The following FRMD4A variants were observed in gnomAD, a reference collection of about 807,000 sequenced individuals.
FRMD4A encodes FERM domain containing 4A, also known as FERM domain-containing protein 4A.
In FRMD4A, 29 loss-of-function variants were observed where a neutral mutation model predicts 129.1. The observed-to-expected ratio is 0.22, with a 90% confidence interval of 0.17 to 0.31. The LOEUF is 0.31. FRMD4A is among the 10% of genes least tolerant of loss of function. The pLI is 1.00. For synonymous variants in FRMD4A, 634 were observed against 571.6 expected (o/e 1.11, Z -1.56); for missense variants, 1,272 against 1,375.8 (o/e 0.92, Z 1.19).
chr10:14,078,080 GTTA>G (rs773010597), intron 2 of FRMD4A, among the ~76,000 whole-genome samples: 1 of 152,298 alleles, frequency 6.6e-6, no homozygotes, highest in East Asian at 1.9e-4. Context: ...TAATGACCCT[GTTA>G]TTAGATTTCT....
In FRMD4A at chr10:13,643,943, A is replaced by G. The variant is rs889429679; in HGVS notation, c.*3095T>C. 4.6e-5 allele frequency: 7 copies of G among 152,720 alleles called. No individual in the cohort carries two copies. The East Asian group carries it at 9.6e-4, about 21-fold the overall frequency. 9.5% of individuals were successfully genotyped at this position (152,720 alleles called of 1,614,324 possible). ...GGAGCAACCTAATCTTTTTTCCCCC[A>G]TTATTAAACTAGAGTCCATTTTACA... On this transcript the variant is annotated 3_prime_UTR_variant, in exon 25 of 25. Coordinates refer to ENST00000357447, the MANE Select transcript of FRMD4A (RefSeq NM_018027.5).
chr10:13,940,430 T>C (rs571737984), intron 2 of FRMD4A, among the ~76,000 whole-genome samples: 14 of 152,316 alleles, frequency 9.2e-5, no homozygotes, highest in African/African-American at 3.1e-4. Context: ...GTCAATGTTG[T>C]GTTGATTTCA....
intron 2 of FRMD4A, among the ~76,000 whole-genome samples, chr10:14,230,016 T>G (rs1045931786): frequency 2.6e-5 from 4 of 152,252 alleles, no homozygotes; most frequent in African/African-American, 9.6e-5. Flanking sequence ...AGAGGAAGGC[T>G]GATCTAATTG....
chr10:13,973,208 T>C (rs2095527624), intron 2 of FRMD4A, among the ~76,000 whole-genome samples: 1 of 152,260 alleles, frequency 6.6e-6, no homozygotes, highest in Non-Finnish European at 1.5e-5. Context: ...CCCCCACTTA[T>C]GATCTGGTAA....
chr10:14,029,978 G>A (rs1833160136), intron 2 of FRMD4A, among the ~76,000 whole-genome samples: 1 of 152,092 alleles, frequency 6.6e-6, no homozygotes, highest in Non-Finnish European at 1.5e-5. Context: ...AGGATATTAC[G>A]CTAAGTGAAA....
chr10:13,744,804 G>T (rs1370005047), intron 9 of FRMD4A: 1 of 152,270 alleles, frequency 6.6e-6, no homozygotes, highest in Non-Finnish European at 1.5e-5. Context: ...GGTTAACCTT[G>T]CTGAGTGGTG....
chr10:13,903,959 C>G (rs2094850881), intron 2 of FRMD4A, among the ~76,000 whole-genome samples: 1 of 152,146 alleles, frequency 6.6e-6, no homozygotes, highest in Non-Finnish European at 1.5e-5. Flanking sequence ...GTCTTAAGAA[C>G]TTAATTCTGA....
chr10:13,769,086 G>T (rs914731958), intron 6 of FRMD4A, among the ~76,000 whole-genome samples: 1 of 149,478 alleles, frequency 6.7e-6, no homozygotes, highest in African/African-American at 2.5e-5. Flanking sequence ...TGCCTCCTGG[G>T]TTCAGGCCAT....
intron 2 of FRMD4A, among the ~76,000 whole-genome samples, chr10:14,029,358 G>T (rs1452470317): frequency 6.6e-6 from 1 of 152,014 alleles, no homozygotes; most frequent in African/African-American, 2.4e-5. Flanking sequence ...CTTCTAGAGA[G>T]AGTATTATAG....
chr10:13,989,514 A>C (rs923256869), intron 2 of FRMD4A, among the ~76,000 whole-genome samples: 1 of 152,184 alleles, frequency 6.6e-6, no homozygotes. Flanking sequence ...TTTTTAGTAG[A>C]GATGGGGTTT....
rs147757852 is a variant in FRMD4A, at chr10:13,708,168, C to T, written c.760-1055G>A. On this transcript the variant is annotated intron_variant, in intron 12 of 24. Coordinates refer to ENST00000357447, the MANE Select transcript of FRMD4A (RefSeq NM_018027.5). ...TGCGGGGAACAGCTTCCCTGGGCTC[C>T]CCCCTTTCTCTGGCCACTGAGTTAA... Among the ~76,000 whole-genome samples the T allele has an allele frequency of 4.9e-3, 742 of 152,296 alleles. 5 individuals are homozygous for T. The highest frequency in any genetic ancestry group is 8.1e-3 in the Non-Finnish European group (551 of 68,022).
intron 2 of FRMD4A, among the ~76,000 whole-genome samples, chr10:13,997,624 C>CTTTTTT (rs775846641): frequency 3.5e-5 from 3 of 86,194 alleles, no homozygotes; most frequent in Non-Finnish European, 5.3e-5. Context: ...CTTTTCTTTT[C>CTTTTTT]TTTTTTTTTT....
chr10:14,240,642 C>T (rs1330494139), intron 2 of FRMD4A, among the ~76,000 whole-genome samples: 2 of 152,100 alleles, frequency 1.3e-5, no homozygotes, highest in African/African-American at 4.8e-5. Context: ...TAACGTTTAA[C>T]CATTATTATT....
chr10:14,008,860 G>A (rs1007178199), intron 2 of FRMD4A, among the ~76,000 whole-genome samples: 1 of 152,034 alleles, frequency 6.6e-6, no homozygotes, highest in Non-Finnish European at 1.5e-5. Flanking sequence ...TAAACGCACG[G>A]GTATTACTCA....
chr10:13,709,748 C>T (rs906400698), intron 12 of FRMD4A, among the ~76,000 whole-genome samples: 4 of 152,186 alleles, frequency 2.6e-5, no homozygotes, highest in African/African-American at 4.8e-5. Context: ...TCTGGGTGTG[C>T]GACCTGAGGG....
intron 2 of FRMD4A, among the ~76,000 whole-genome samples, chr10:13,989,335 T>C (rs2095594926): frequency 6.6e-6 from 1 of 152,174 alleles, no homozygotes. Context: ...TCAGGTGATA[T>C]TAGATGATCA....
intron 2 of FRMD4A, among the ~76,000 whole-genome samples, chr10:13,957,859 C>G (rs754340391): frequency 6.6e-6 from 1 of 151,990 alleles, no homozygotes; most frequent in Admixed American, 6.6e-5. Flanking sequence ...AAGCCACTTA[C>G]AAAGTTGATT....
At chr10:13,680,981 G>A (rs113193490) in intron 15 of FRMD4A, among the ~76,000 whole-genome samples, 4 of 152,252 alleles carry the variant, frequency 2.6e-5, no homozygotes, top group African/African-American at 9.6e-5. Context: ...ATTAAATGGT[G>A]TAACGCCTTG....
intron 2 of FRMD4A, among the ~76,000 whole-genome samples, chr10:14,289,675 G>C (rs549583041): frequency 6.6e-6 from 1 of 152,188 alleles, no homozygotes; most frequent in Admixed American, 6.5e-5. Context: ...CATCAATGAT[G>C]AAAACTTCTA....
Sources: gnomAD v4.1 joint callset for allele counts (sites outside exome capture counted in the v4.1 genomes callset) on GRCh38, gnomAD v4.1.1 for gene constraint, MANE v1.5 for transcripts, NCBI Gene and HGNC (gene_info 2026-07-23, HGNC 2026-07-21) for gene names.